Variants in GK5 observed in about 807,000 individuals in gnomAD.
GK5 encodes the protein glycerol kinase 5.
Under a neutral mutation model 77.3 loss-of-function variants are expected in GK5, and 39 were observed. The ratio of observed to expected loss-of-function variants is 0.50; its 90% CI spans 0.39 to 0.66. The LOEUF (loss-of-function observed/expected upper bound fraction) is 0.66, where lower values mean the gene tolerates loss of function less well. Ranked by LOEUF, GK5 falls within the 30% of genes least tolerant of loss-of-function variation. The probability of loss-of-function intolerance (pLI) is 0.00; values close to 1 mark genes in which losing one functional copy is unlikely to be tolerated. For missense variants in GK5, 487 were observed against 633.8 expected (o/e 0.77, Z 2.49); for synonymous variants, 211 against 208.0 (o/e 1.01, Z -0.13).
chr3:142,180,608 CTCTT>C (rs1324080552), intron 11 of GK5, among the ~76,000 whole-genome samples: 11 of 152,266 alleles, frequency 7.2e-5, no homozygotes, highest in South Asian at 4.1e-4. Context: ...AGCCTTCTTT[CTCTT>C]TCTTTGTTTC....
At chr3:142,173,631 C>G in intron 12 of GK5, among the ~76,000 whole-genome samples, 1 of 152,200 alleles carries the variant, frequency 6.6e-6, no homozygotes, top group Non-Finnish European at 1.5e-5. Flanking sequence ...TTGCAGCGAG[C>G]GGAGATGGCG....
chr3:142,174,509 A>G (rs1171877940), intron 12 of GK5, among the ~76,000 whole-genome samples: 2 of 152,206 alleles, frequency 1.3e-5, no homozygotes, highest in East Asian at 3.9e-4. Flanking sequence ...AGGATATCAC[A>G]GAAAATACTG....
At position 142,225,308 on chromosome 3, in the gene GK5, C is replaced by G. The variant is rs1305125210; in HGVS notation, c.147+1G>C. ...GCGCCCCACGCCCGCCCCCAAGTCA[C>G]CTTCTGCACGCTGGAGCCGCAGACC... On this transcript the variant is annotated splice_donor_variant, in intron 1 of 15. Coordinates refer to ENST00000392993, the MANE Select transcript of GK5 (RefSeq NM_001039547.3). LOFTEE classifies it high-confidence loss of function. 6.5e-7 allele frequency: 1 copy of G among 1,538,706 alleles called. No homozygotes were observed. The highest frequency in any genetic ancestry group is 1.4e-5 in the African/African-American group (1 of 71,380).
At position 142,225,329 on chromosome 3, in the gene GK5, A is replaced by G; in HGVS notation, c.127T>C (p.Cys43Arg). The change falls in exon 1 of 16, where the codon TGC (cysteine) becomes CGC (arginine). Residue 43 changes from cysteine (C) to arginine (R), a missense_variant. This residue lies in a region of GK5 where 97 missense variants were observed against 86.9 expected (regional missense o/e 1.12). Coordinates refer to ENST00000392993, the MANE Select transcript of GK5 (RefSeq NM_001039547.3). ...GTCACCTTCTGCACGCTGGAGCCGC[A>G]GACCCGCGCCGCCCGGTCATAGACG... ...CHVYDRAARVCGSSVQKVENL... is the reference protein window; with the variant it reads ...CHVYDRAARVRGSSVQKVENL... The G allele has an allele frequency of 1.9e-6, 3 of 1,551,020 alleles. No homozygotes were observed. The highest frequency in any genetic ancestry group is 2.6e-6 in the Non-Finnish European group (3 of 1,149,124).
chr3:142,186,513 C>G lies in GK5; in HGVS notation c.620G>C (p.Gly207Ala). Residue 207 changes from glycine (G) to alanine (A), a missense_variant and splice_region_variant, in exon 7 of 16, where the codon GGT (glycine) becomes GCT (alanine). Coordinates refer to ENST00000392993, the MANE Select transcript of GK5 (RefSeq NM_001039547.3). ...DTWLLYKLTK[G>A]SVYATDFSNA... is the part of the protein sequence containing the mutation. Reference sequence around the variant, plus strand: ...TGAAAAATCTGTGGCATATACAGAACCTAAATTTAAATAGGAAATAATACA... The same window carrying G: ...TGAAAAATCTGTGGCATATACAGAAGCTAAATTTAAATAGGAAATAATACA... The G allele has an allele frequency of 6.8e-7, 1 of 1,478,936 alleles. No homozygotes were observed. The highest frequency in any genetic ancestry group is 2.3e-5 in the East Asian group (1 of 43,260). 91.6% of individuals were successfully genotyped at this position (1,478,936 alleles called of 1,614,324 possible). A position where few individuals can be genotyped will look rare whatever the true frequency, so the allele number is the denominator to read the frequency against.
chr3:142,187,614 AAAAAAAAGTAACTTCTACTTTTTTTAG>A, intron 6 of GK5, 63 bp downstream of exon 6: 1 of 988,892 alleles, frequency 1.0e-6, no homozygotes, highest in African/African-American at 1.7e-5. Flanking sequence ...CAAAAAAAAA[AAAAAAAAGTAACTTCTACTTTTTTTAG>A]GCAAATCATT....
In GK5 at chr3:142,201,729, G is replaced by A. The variant is rs2064027703; in HGVS notation, c.412-2796C>T. The stretch of plus-strand genomic sequence containing the variant: ...GGATTGTATTAATGTCAATGTCCTG[G>A]TTGTGATGTTATACTATAGTTTTTC... On this transcript the variant is annotated intron_variant, in intron 4 of 15. Transcript: ENST00000392993. Among the ~76,000 whole-genome samples the A allele has an allele frequency of 2.6e-5, 4 of 152,146 alleles. No homozygotes were observed. The South Asian group carries it at 8.3e-4, about 32-fold the overall frequency.
At position 142,215,703 on chromosome 3, in the gene GK5, A is replaced by C; in HGVS notation, c.148-11T>G. On this transcript the variant is annotated splice_polypyrimidine_tract_variant and intron_variant, in intron 1 of 15. Transcript: ENST00000392993. ...ATAAAGATTTTCTACCTATTAAGGAAAAGAAGATTTAGTAAAAACAGCATT... is the reference window on the plus strand; with the variant it reads ...ATAAAGATTTTCTACCTATTAAGGACAAGAAGATTTAGTAAAAACAGCATT... 7.1e-7 allele frequency: 1 copy of C among 1,417,138 alleles called. No homozygotes were observed. Among genetic ancestry groups the C allele is most frequent in the Non-Finnish European group, 9.9e-7 (1 of 1,006,274 alleles). 87.8% of individuals were successfully genotyped at this position (1,417,138 alleles called of 1,614,324 possible). A position where few individuals can be genotyped will look rare whatever the true frequency, so the allele number is the denominator to read the frequency against.
At position 142,186,457 on chromosome 3, in the gene GK5, A is replaced by G. The variant is rs369098751; in HGVS notation, c.676T>C (p.Tyr226His). The change falls in exon 7 of 16, where the codon TAT becomes CAT. Residue 226 changes from tyrosine to histidine, a missense_variant. Physicochemically the swap from Tyr to His is moderately conservative, Grantham distance 83. Transcript: ENST00000392993. ...NASTTGLFDP[Y>H]KMCWSGMITS... ...GAAGAAAAAAAAATTTTTACCTTATATGGGTCAAAAAGTCCAGTTGTACTA... is the reference window on the plus strand; with the variant it reads ...GAAGAAAAAAAAATTTTTACCTTATGTGGGTCAAAAAGTCCAGTTGTACTA... 10 of 1,545,080 alleles carry G rather than the reference A, an allele frequency of 6.5e-6. No homozygotes were observed. Among genetic ancestry groups the G allele is most frequent in the Middle Eastern group, 1.7e-4 (1 of 5,820 alleles).
intron 9 of GK5, chr3:142,185,655 TTTTAA>T (rs752888981): frequency 3.2e-6 from 4 of 1,230,982 alleles, no homozygotes; most frequent in Non-Finnish European, 4.1e-6. Context: ...AAAAAATTTT[TTTTAA>T]TTTAAGTTTT....
intron 12 of GK5, among the ~76,000 whole-genome samples, chr3:142,174,185 C>T (rs2063578430): frequency 6.6e-6 from 1 of 152,192 alleles, no homozygotes; most frequent in Non-Finnish European, 1.5e-5. Flanking sequence ...AGCACTATAT[C>T]TGGCTCCCCA....
intron 3 of GK5, among the ~76,000 whole-genome samples, chr3:142,209,948 G>A (rs983060671): frequency 2.8e-5 from 2 of 71,886 alleles, no homozygotes; most frequent in South Asian, 2.7e-4. Context: ...AAAACAGCTC[G>A]TGATTTTTTT....
At chr3:142,189,198 C>T (rs1045084457) in intron 5 of GK5, among the ~76,000 whole-genome samples, 3 of 152,122 alleles carry the variant, frequency 2.0e-5, no homozygotes, top group Admixed American at 2.0e-4. Flanking sequence ...GGGAGGTTCC[C>T]AGCAAATAGC....
chr3:142,221,398 G>A (rs1258540161), intron 1 of GK5, among the ~76,000 whole-genome samples: 1 of 152,040 alleles, frequency 6.6e-6, no homozygotes, highest in Admixed American at 6.6e-5. Context: ...CTTGACTCAG[G>A]GTCACTTCCC....
intron 9 of GK5, 83 bp downstream of exon 9, chr3:142,185,846 T>G (rs774336118): frequency 6.4e-5 from 99 of 1,555,566 alleles, no homozygotes; most frequent in Non-Finnish European, 8.4e-5. Flanking sequence ...ACCTTCTGTT[T>G]CTCTTAAAGC....
intron 9 of GK5, among the ~76,000 whole-genome samples, chr3:142,183,689 C>T (rs1361896449): frequency 1.3e-5 from 2 of 151,896 alleles, no homozygotes; most frequent in African/African-American, 2.4e-5. Flanking sequence ...CAGGTGGTCT[C>T]GATCTCTTGA....
At chr3:142,204,946 G>T (rs1486597291) in intron 3 of GK5, among the ~76,000 whole-genome samples, 158 bp from the exon 4 acceptor site, 1 of 152,148 alleles carries the variant, frequency 6.6e-6, no homozygotes, top group Admixed American at 6.5e-5. Flanking sequence ...GATTTTATAA[G>T]TTGAACACAC....
intron 12 of GK5, among the ~76,000 whole-genome samples, chr3:142,174,609 G>A (rs888404166): frequency 1.3e-5 from 2 of 152,148 alleles, no homozygotes; most frequent in African/African-American, 4.8e-5. Flanking sequence ...AGACATCCTA[G>A]TCACTCACAA....
At position 142,188,419 on chromosome 3, in the gene GK5, C is replaced by T. The variant is rs777753747; in HGVS notation, c.544-640G>A. Among the ~76,000 whole-genome samples, 6 of 152,038 alleles carry T rather than the reference C, an allele frequency of 3.9e-5. No individual in the cohort carries two copies. In the East Asian group the frequency reaches 5.8e-4, roughly 15 times the overall value. Reference sequence around the variant, plus strand: ...GCATGGTGGCGGGCACCTGTAGTCCCGCTACTTGGGAGGCTGAGGCAGGAG... The same window carrying T: ...GCATGGTGGCGGGCACCTGTAGTCCTGCTACTTGGGAGGCTGAGGCAGGAG... On this transcript the variant is annotated intron_variant, in intron 5 of 15. Coordinates refer to ENST00000392993, the MANE Select transcript of GK5 (RefSeq NM_001039547.3).
Sources: gnomAD v4.1 joint callset for allele counts (sites outside exome capture counted in the v4.1 genomes callset) on GRCh38, gnomAD v4.1.1 for gene constraint, gnomAD v4.1.1 regional missense constraint, MANE v1.5 for transcripts, NCBI Gene and HGNC (gene_info 2026-07-23, HGNC 2026-07-21) for gene names.